The following DNAH7 variants were observed in gnomAD, a reference collection of about 807,000 sequenced individuals.
DNAH7 encodes dynein axonemal heavy chain 7.
Under a neutral mutation model 444.6 loss-of-function variants are expected in DNAH7, and 397 were observed. That is an observed-to-expected ratio of 0.89 (90% CI 0.82 to 0.97). The LOEUF is 0.97. DNAH7 is among the 50% of genes least tolerant of loss of function. DNAH7 has a pLI of 0.00. For synonymous variants in DNAH7, 1,636 were observed against 1,624.4 expected (o/e 1.01, Z -0.17); for missense variants, 4,902 against 4,800.8 (o/e 1.02, Z -0.62).
intron 48 of DNAH7, chr2:195,824,851 A>G (rs1455492042): frequency 6.5e-6 from 1 of 154,268 alleles, no homozygotes; most frequent in Non-Finnish European, 1.4e-5. Context: ...ATTGTAGAAC[A>G]TCTGCAAAGT....
chr2:195,984,523 C>A, intron 15 of DNAH7, 109 bp downstream of exon 15: 1 of 1,107,540 alleles, frequency 9.0e-7, no homozygotes, highest in South Asian at 1.4e-5. Context: ...AATTGAAAGT[C>A]ATTATTATTT....
At chr2:195,986,798 G>A (rs1692941139) in intron 14 of DNAH7, among the ~76,000 whole-genome samples, 1 of 152,098 alleles carries the variant, frequency 6.6e-6, no homozygotes, top group Non-Finnish European at 1.5e-5. Flanking sequence ...TTTAGATAAT[G>A]TCCACTTGAC....
At chr2:195,888,671 G>T in intron 32 of DNAH7, 128 bp downstream of exon 32, 1 of 1,049,312 alleles carries the variant, frequency 9.5e-7, no homozygotes, top group Non-Finnish European at 1.4e-6. Context: ...TCTGTACTTT[G>T]AGAATCACAG....
intron 22 of DNAH7, among the ~76,000 whole-genome samples, chr2:195,926,045 T>C (rs970483978): frequency 1.3e-5 from 2 of 152,122 alleles, no homozygotes; most frequent in Non-Finnish European, 2.9e-5. Context: ...CTTATCTATA[T>C]AGGGTAGTTT....
At chr2:195,926,606 GAAC>G in intron 21 of DNAH7, 40 bp from the exon 22 acceptor site, 2 of 1,527,166 alleles carry the variant, frequency 1.3e-6, no homozygotes, top group Non-Finnish European at 1.8e-6. Context: ...ACCATTTCCT[GAAC>G]AAGTTATACA....
Position 195,923,822 on chromosome 2 carries a change from A to G in DNAH7, c.3613-15T>C. ...TGCTCAAGAGCCTGAAAGAAAAGAA[A>G]ATAAGATATGATTTCCCAATGTGAT... On this transcript the variant is annotated splice_polypyrimidine_tract_variant and intron_variant, in intron 22 of 64. Transcript: ENST00000312428. 6.2e-7 allele frequency: 1 copy of G among 1,609,664 alleles called. No homozygotes were observed. Among genetic ancestry groups the G allele is most frequent in the East Asian group, 2.2e-5 (1 of 44,798 alleles).
intron 9 of DNAH7, among the ~76,000 whole-genome samples, chr2:196,013,188 T>G (rs1694820550): frequency 6.6e-6 from 1 of 152,172 alleles, no homozygotes; most frequent in Non-Finnish European, 1.5e-5. Context: ...TTTTTGCTTT[T>G]AAACTGTAAT....
Position 195,884,684 on chromosome 2 carries a change from C to T in DNAH7, c.5664G>A (p.Thr1888=), listed in dbSNP as rs751638701. The T allele has an allele frequency of 4.1e-5, 66 of 1,614,028 alleles. No individual in the cohort carries two copies. Among genetic ancestry groups the T allele is most frequent in the African/African-American group, 5.3e-5 (4 of 74,918 alleles). Residue 1888 remains threonine (T), a synonymous_variant, in exon 35 of 65, where the codon ACG becomes ACA. Transcript: ENST00000312428. ...ESPISDRTRN[T]FKLQSGTEQT... ...GCTCAGTACCACTCTGTAATTTAAA[C>T]GTATTTCGAGTTCGATCTGAAATTG...
chr2:195,888,691 A>C, intron 32 of DNAH7, 108 bp downstream of exon 32: 1 of 1,207,464 alleles, frequency 8.3e-7, no homozygotes, highest in Non-Finnish European at 1.1e-6. Flanking sequence ...GATCGCTCTT[A>C]AAAGAAATTC....
chr2:195,826,126 C>T (rs1376268155), intron 48 of DNAH7, among the ~76,000 whole-genome samples: 4 of 151,962 alleles, frequency 2.6e-5, no homozygotes, highest in Admixed American at 6.6e-5. Context: ...ATGAATGAAC[C>T]TTTGTGTTCA....
intron 19 of DNAH7, among the ~76,000 whole-genome samples, chr2:195,937,339 C>G (rs990609080): frequency 6.6e-6 from 1 of 152,140 alleles, no homozygotes; most frequent in Non-Finnish European, 1.5e-5. Flanking sequence ...TATAACACTT[C>G]TTGCTGAAGG....
intron 62 of DNAH7, 120 bp downstream of exon 62, chr2:195,756,013 T>C (rs1284287774): frequency 1.2e-5 from 12 of 991,548 alleles, no homozygotes; most frequent in Non-Finnish European, 1.7e-5. Context: ...TAAGTAGTGG[T>C]GATTTGTGCC....
At chr2:195,895,972 T>G (rs1702285275) in intron 29 of DNAH7, among the ~76,000 whole-genome samples, 1 of 152,228 alleles carries the variant, frequency 6.6e-6, no homozygotes, top group Admixed American at 6.5e-5. Context: ...TGATGTGCAT[T>G]TTCACTGTTC....
At chr2:196,043,467 A>G (rs1696902254) in intron 5 of DNAH7, among the ~76,000 whole-genome samples, 1 of 152,220 alleles carries the variant, frequency 6.6e-6, no homozygotes, top group Non-Finnish European at 1.5e-5. Context: ...AAATTCTAGA[A>G]GATTACATCA....
At chr2:195,994,518 T>C (rs1283522449) in intron 12 of DNAH7, 1 of 488,842 alleles carries the variant, frequency 2.0e-6, no homozygotes, top group East Asian at 5.0e-5. Flanking sequence ...GTCGTTGGAA[T>C]TGGGTTTAGA....
At chr2:195,855,713 G>A (rs979793633) in intron 45 of DNAH7, 98 bp downstream of exon 45, 1 of 1,350,088 alleles carries the variant, frequency 7.4e-7, no homozygotes, top group Non-Finnish European at 1.0e-6. Context: ...TCCCTGACCA[G>A]GAAGGAAACA....
At position 195,972,307 on chromosome 2, in the gene DNAH7, C is replaced by A; in HGVS notation, c.1993G>T (p.Glu665Ter). Residue 665 changes from glutamate to a stop codon, truncating the protein, a stop_gained, in exon 16 of 65, where the codon GAA becomes TAA. Transcript: ENST00000312428. LOFTEE classifies it high-confidence loss of function. ...SVFQWYGRMG[E>*]IFEEHRKIIK... ...ATTTTCCTGTGTTCTTCAAAAATTT[C>A]TCCCATCCTTCCATACCACTGGAAA... 1 of 1,614,108 alleles carries A rather than the reference C, an allele frequency of 6.2e-7. No homozygotes were observed. Among genetic ancestry groups the A allele is most frequent in the Non-Finnish European group, 8.5e-7 (1 of 1,179,996 alleles).
At chr2:196,026,100 G>T (rs780866993) in intron 7 of DNAH7, among the ~76,000 whole-genome samples, 1 of 152,030 alleles carries the variant, frequency 6.6e-6, no homozygotes, top group Non-Finnish European at 1.5e-5. Flanking sequence ...AACTATTTTC[G>T]ACTTTGTGGG....
At chr2:195,903,415 T>C (rs907803465) in intron 27 of DNAH7, 4 of 152,154 alleles carry the variant, frequency 2.6e-5, no homozygotes, top group Non-Finnish European at 1.5e-5. Flanking sequence ...ACCCTACATA[T>C]ACTCTGAAAA....
Sources: allele counts gnomAD v4.1 joint callset (sites outside exome capture counted in the v4.1 genomes callset), GRCh38; gene constraint gnomAD v4.1.1; transcripts MANE v1.5; gene names NCBI Gene and HGNC (gene_info 2026-07-23, HGNC 2026-07-21).